RBMS3: variants seen among roughly 807,000 people sequenced by gnomAD.
RBMS3 encodes the protein RNA-binding motif, single-stranded-interacting protein 3.
In RBMS3, 27 loss-of-function variants were observed where a neutral mutation model predicts 66.8. The observed-to-expected ratio is 0.40, with a 90% CI of 0.30 to 0.56. RBMS3 has a LOEUF of 0.56. Ranked by LOEUF, RBMS3 falls within the 20% of genes least tolerant of loss-of-function variation. The probability of loss-of-function intolerance (pLI) is 0.40; values close to 1 mark genes in which losing one functional copy is unlikely to be tolerated. For synonymous variants in RBMS3, 188 were observed against 183.0 expected (o/e 1.03, Z -0.22); for missense variants, 513 against 549.5 (o/e 0.93, Z 0.66).
intron 4 of RBMS3, among the ~76,000 whole-genome samples, chr3:29,623,155 G>A (rs1392073633): frequency 8.4e-6 from 1 of 119,288 alleles, no homozygotes; most frequent in Non-Finnish European, 1.7e-5. Flanking sequence ...GAGAATTAAA[G>A]GGGATTAAAT....
chr3:29,357,987 C>T (rs2037329928), intron 1 of RBMS3, among the ~76,000 whole-genome samples: 1 of 152,080 alleles, frequency 6.6e-6, no homozygotes, highest in Non-Finnish European at 1.5e-5. Flanking sequence ...AAATTTTCTC[C>T]TATTCTCTAG....
At chr3:29,797,987 A>G (rs2057256283) in intron 6 of RBMS3, among the ~76,000 whole-genome samples, 1 of 151,910 alleles carries the variant, frequency 6.6e-6, no homozygotes, top group Non-Finnish European at 1.5e-5. Context: ...GCCTAATTTC[A>G]ATATTGTTGT....
intron 5 of RBMS3, among the ~76,000 whole-genome samples, chr3:29,746,547 C>G (rs954119616): frequency 6.6e-6 from 1 of 152,154 alleles, no homozygotes; most frequent in Non-Finnish European, 1.5e-5. Context: ...TACTCCTGGA[C>G]CCCCTGCAGC....
chr3:29,404,862 G>C (rs1266493189), intron 1 of RBMS3, among the ~76,000 whole-genome samples: 1 of 152,040 alleles, frequency 6.6e-6, no homozygotes, highest in Non-Finnish European at 1.5e-5. Flanking sequence ...CGAAAATATA[G>C]CAACAAATAT....
intron 4 of RBMS3, among the ~76,000 whole-genome samples, chr3:29,629,692 G>A: frequency 6.6e-6 from 1 of 152,010 alleles, no homozygotes; most frequent in East Asian, 1.9e-4. Flanking sequence ...AAGGCCAAAT[G>A]GTGAATCAGC....
At chr3:29,544,631 C>T (rs2045880279) in intron 3 of RBMS3, among the ~76,000 whole-genome samples, 1 of 151,516 alleles carries the variant, frequency 6.6e-6, no homozygotes, top group Non-Finnish European at 1.5e-5. Flanking sequence ...TTTCCAGTAC[C>T]CTCTAATTGC....
At chr3:29,927,247 G>T (rs1451115241) in intron 10 of RBMS3, 1 of 152,180 alleles carries the variant, frequency 6.6e-6, no homozygotes, top group East Asian at 1.9e-4. Flanking sequence ...AATGCTTCTG[G>T]TATTTCCATT....
At chr3:29,666,696 A>G (rs987047587) in intron 4 of RBMS3, among the ~76,000 whole-genome samples, 1 of 152,190 alleles carries the variant, frequency 6.6e-6, no homozygotes, top group Non-Finnish European at 1.5e-5. Context: ...AAGCAGTATC[A>G]TTTGCATCAT....
intron 1 of RBMS3, among the ~76,000 whole-genome samples, chr3:29,285,660 A>G (rs898989180): frequency 6.6e-6 from 1 of 152,136 alleles, no homozygotes; most frequent in Non-Finnish European, 1.5e-5. Flanking sequence ...AGAGCCTGGT[A>G]TGAAGAAGGG....
intron 3 of RBMS3, among the ~76,000 whole-genome samples, chr3:29,529,933 G>T (rs374929443): frequency 6.6e-6 from 1 of 152,138 alleles, no homozygotes; most frequent in African/African-American, 2.4e-5. Context: ...ATATACTACA[G>T]GATAGACAGA....
At chr3:29,426,116 G>C (rs2040948686) in intron 1 of RBMS3, among the ~76,000 whole-genome samples, 1 of 152,076 alleles carries the variant, frequency 6.6e-6, no homozygotes, top group Non-Finnish European at 1.5e-5. Context: ...TTATTTTCAA[G>C]GTATACACTT....
intron 6 of RBMS3, among the ~76,000 whole-genome samples, chr3:29,857,561 TAA>T (rs35553639): frequency 0.16 from 22,307 of 139,380 alleles, 2,686 homozygotes; most frequent in African/African-American, 0.34. Context: ...CTTTTTTTGT[TAA>T]AAAAAAAAAA....
intron 6 of RBMS3, among the ~76,000 whole-genome samples, chr3:29,814,539 T>A (rs2149463614): frequency 6.6e-6 from 1 of 152,320 alleles, no homozygotes; most frequent in East Asian, 1.9e-4. Context: ...TTGATTGAAA[T>A]AGTTTCAGAA....
chr3:29,292,669 TA>T lies in RBMS3; in HGVS notation c.75+10920del, dbSNP rs1479258821. ...GATGAGGCTGTCAATAGCAGCCTAG[TA>T]AAAAAAGAAAAAAAGATGACAGTTC... On this transcript the variant is annotated intron_variant, in intron 1 of 14. Transcript: ENST00000383767. Among the ~76,000 whole-genome samples the T allele has an allele frequency of 2.0e-5, 3 of 151,296 alleles. No homozygotes were observed. The East Asian group carries it at 5.8e-4, about 29-fold the overall frequency.
intron 4 of RBMS3, among the ~76,000 whole-genome samples, chr3:29,706,287 C>T (rs2052889305): frequency 6.6e-6 from 1 of 152,154 alleles, no homozygotes; most frequent in Non-Finnish European, 1.5e-5. Context: ...TAATTTCTTG[C>T]ATTGATACTT....
intron 12 of RBMS3, among the ~76,000 whole-genome samples, chr3:29,966,208 G>A (rs947346834): frequency 1.3e-5 from 2 of 152,024 alleles, no homozygotes; most frequent in South Asian, 2.1e-4. Flanking sequence ...CTCTTTCTTG[G>A]TTCCATATGA....
intron 6 of RBMS3, among the ~76,000 whole-genome samples, chr3:29,847,951 T>C (rs77434608): frequency 0.035 from 5,255 of 152,290 alleles, 131 homozygotes; most frequent in Non-Finnish European, 0.051. Flanking sequence ...TTTTGTGTTT[T>C]AAATGAAACA....
At chr3:29,614,134 A>C (rs1047815635) in intron 4 of RBMS3, among the ~76,000 whole-genome samples, 3 of 152,148 alleles carry the variant, frequency 2.0e-5, no homozygotes, top group Admixed American at 6.5e-5. Flanking sequence ...GTGGAATACT[A>C]TTCAGCCTTA....
chr3:29,952,568 A>G (rs1295607031), intron 12 of RBMS3, among the ~76,000 whole-genome samples: 1 of 151,810 alleles, frequency 6.6e-6, no homozygotes, highest in East Asian at 1.9e-4. Flanking sequence ...TTAGACTACT[A>G]CTATATACAC....
Sources: allele counts gnomAD v4.1 joint callset (sites outside exome capture counted in the v4.1 genomes callset), GRCh38; gene constraint gnomAD v4.1.1; transcripts MANE v1.5; gene names NCBI Gene and HGNC (gene_info 2026-07-23, HGNC 2026-07-21).